CFAP20DC: variants seen among roughly 807,000 people sequenced by gnomAD.
CFAP20DC encodes CFAP20 domain containing, also known as protein CFAP20DC.
In CFAP20DC, 84 loss-of-function variants were observed where a neutral mutation model predicts 101.7. The observed-to-expected ratio is 0.83, with a 90% confidence interval of 0.69 to 0.99. CFAP20DC has a LOEUF of 0.99. CFAP20DC is among the 50% of genes least tolerant of loss of function. CFAP20DC has a pLI of 0.00. For synonymous variants in CFAP20DC, 359 were observed against 351.2 expected (o/e 1.02, Z -0.25); for missense variants, 1,007 against 970.3 (o/e 1.04, Z -0.50).
intron 4 of CFAP20DC, among the ~76,000 whole-genome samples, chr3:58,959,697 T>A (rs1460419422): frequency 1.3e-5 from 2 of 152,230 alleles, no homozygotes; most frequent in African/African-American, 4.8e-5. Flanking sequence ...TCACTAATTG[T>A]AATTTTGCCA....
chr3:58,950,907 A>T lies in CFAP20DC; in HGVS notation c.279-13145T>A, dbSNP rs530639053. 8.5e-5 allele frequency among the ~76,000 whole-genome samples: 13 copies of T among 152,368 alleles called. No individual in the cohort carries two copies. In the South Asian group the frequency reaches 2.7e-3, roughly 32 times the overall value. ...AATGGCAACAAAAGCCAAAATTGACAAATGGGATCTAATTAAACTAAAAGC... is the reference window on the plus strand; with the variant it reads ...AATGGCAACAAAAGCCAAAATTGACTAATGGGATCTAATTAAACTAAAAGC... On this transcript the variant is annotated intron_variant, in intron 4 of 16. Coordinates refer to ENST00000482387, the MANE Select transcript of CFAP20DC (RefSeq NM_001394063.1).
intron 4 of CFAP20DC, among the ~76,000 whole-genome samples, chr3:58,990,382 G>T (rs535499499): frequency 1.3e-5 from 2 of 152,040 alleles, no homozygotes; most frequent in South Asian, 2.1e-4. Flanking sequence ...AAAAATGCCC[G>T]GTTTTTGTCT....
At chr3:58,952,692 A>C (rs1405013760) in intron 4 of CFAP20DC, among the ~76,000 whole-genome samples, 1 of 152,248 alleles carries the variant, frequency 6.6e-6, no homozygotes, top group East Asian at 1.9e-4. Context: ...TGATTTAAAA[A>C]AAAAAGTGTG....
chr3:58,935,437 T>C (rs1194143794), intron 5 of CFAP20DC, among the ~76,000 whole-genome samples: 3 of 151,912 alleles, frequency 2.0e-5, no homozygotes, highest in Non-Finnish European at 4.4e-5. Flanking sequence ...AAAGTTCATA[T>C]GGAACCAAAA....
At chr3:58,991,305 A>G (rs1205890518) in intron 4 of CFAP20DC, among the ~76,000 whole-genome samples, 1 of 152,212 alleles carries the variant, frequency 6.6e-6, no homozygotes. Context: ...ACAGAGGCTC[A>G]GTAACAAACT....
At chr3:58,797,918 A>T (rs1399857045) in intron 15 of CFAP20DC, among the ~76,000 whole-genome samples, 6 of 152,210 alleles carry the variant, frequency 3.9e-5, no homozygotes, top group Non-Finnish European at 8.8e-5. Flanking sequence ...ATCTGCTTAT[A>T]GCACAGTATA....
At chr3:58,960,258 CGA>C (rs1027174722) in intron 4 of CFAP20DC, among the ~76,000 whole-genome samples, 7 of 150,764 alleles carry the variant, frequency 4.6e-5, no homozygotes, top group African/African-American at 1.7e-4. Flanking sequence ...TTTGGGAGGC[CGA>C]GGTGGGTGGA....
At chr3:58,834,361 A>G (rs564756883) in intron 13 of CFAP20DC, among the ~76,000 whole-genome samples, 11 of 152,308 alleles carry the variant, frequency 7.2e-5, no homozygotes, top group African/African-American at 2.4e-4. Flanking sequence ...TAGGTATGTT[A>G]GTTGGCTCAT....
In CFAP20DC at chr3:58,817,809, A is replaced by C. The variant is rs556973173; in HGVS notation, c.2176-11353T>G. On this transcript the variant is annotated intron_variant, in intron 14 of 16. Coordinates refer to ENST00000482387, the MANE Select transcript of CFAP20DC (RefSeq NM_001394063.1). ...AGAGAATGCCACAAAGATACTCCTC[A>C]AGAAGAGCAACTTCAAGACACATAA... Among the ~76,000 whole-genome samples, 19 of 141,102 alleles carry C rather than the reference A, an allele frequency of 1.3e-4. 1 individual carries two copies. Among genetic ancestry groups the C allele is most frequent in the African/African-American group, 2.4e-4 (9 of 38,208 alleles). 92.6% of individuals were successfully genotyped at this position (141,102 alleles called of 152,430 possible).
At position 58,849,092 on chromosome 3, in the gene CFAP20DC, T is replaced by C. The variant is rs1426988551; in HGVS notation, c.1911A>G (p.Leu637=). 8 of 1,535,954 alleles carry C rather than the reference T, an allele frequency of 5.2e-6. No homozygotes were observed. The highest frequency in any genetic ancestry group is 2.4e-5 in the South Asian group (2 of 84,042). Residue 637 remains leucine (L), a synonymous_variant, in exon 13 of 17, where the codon CTA becomes CTG. Transcript: ENST00000482387. The stretch of plus-strand genomic sequence containing the variant: ...AGATTTCTTTCAGGGAGGTTTTGTT[T>C]AGTGAAGCTGGCACTTGCTGGGCTG... ...DLSAQQVPAS[L]NKTSLKEISG... is the part of the protein sequence containing the mutation.
At chr3:58,742,648 G>GA (rs1382602686) in intron 16 of CFAP20DC, 76 bp from the exon 17 acceptor site, 1 of 1,026,212 alleles carries the variant, frequency 9.7e-7, no homozygotes, top group Admixed American at 2.1e-5. Context: ...AACGAAGCAG[G>GA]AATCACCATC....
intron 15 of CFAP20DC, among the ~76,000 whole-genome samples, chr3:58,782,862 C>G (rs2071968658): frequency 6.6e-6 from 1 of 151,928 alleles, no homozygotes; most frequent in South Asian, 2.1e-4. Context: ...AGATTCAATG[C>G]AATCTCTATC....
intron 12 of CFAP20DC, among the ~76,000 whole-genome samples, chr3:58,858,482 A>T (rs184451772): frequency 1.3e-5 from 2 of 152,336 alleles, no homozygotes; most frequent in African/African-American, 4.8e-5. Flanking sequence ...TTAAACAGAT[A>T]ATTTTAATGA....
At chr3:58,994,835 TA>T (rs200143095) in intron 4 of CFAP20DC, among the ~76,000 whole-genome samples, 13 of 144,254 alleles carry the variant, frequency 9.0e-5, no homozygotes, top group African/African-American at 1.5e-4. Context: ...CCAAAAGACT[TA>T]AAAAAAAAAA....
At chr3:58,846,590 C>G (rs2108266976) in intron 13 of CFAP20DC, among the ~76,000 whole-genome samples, 1 of 150,488 alleles carries the variant, frequency 6.6e-6, no homozygotes, top group African/African-American at 2.4e-5. Context: ...CCATACTGCC[C>G]AAGGTAATTT....
intron 4 of CFAP20DC, among the ~76,000 whole-genome samples, chr3:59,008,187 G>C (rs2093484657): frequency 6.6e-6 from 1 of 152,136 alleles, no homozygotes; most frequent in South Asian, 2.1e-4. Context: ...TCCCTACTTG[G>C]AACATCAACA....
At chr3:58,973,109 G>A (rs1022042862) in intron 4 of CFAP20DC, among the ~76,000 whole-genome samples, 20 of 151,992 alleles carry the variant, frequency 1.3e-4, no homozygotes, top group Non-Finnish European at 2.4e-4. Flanking sequence ...TTTTCCATGG[G>A]GATTATGTCC....
At chr3:58,937,899 C>T in intron 4 of CFAP20DC, 137 bp from the exon 5 acceptor site, 1 of 632,862 alleles carries the variant, frequency 1.6e-6, no homozygotes, top group Non-Finnish European at 2.7e-6. Flanking sequence ...TTAAGAATTG[C>T]CTTTTTCTTT....
intron 4 of CFAP20DC, among the ~76,000 whole-genome samples, chr3:58,974,477 A>G (rs1364829759): frequency 1.3e-5 from 2 of 152,056 alleles, no homozygotes; most frequent in Non-Finnish European, 2.9e-5. Context: ...CATGGTATAT[A>G]TGTTATATGT....
Sources: allele counts gnomAD v4.1 joint callset (sites outside exome capture counted in the v4.1 genomes callset), GRCh38; gene constraint gnomAD v4.1.1; transcripts MANE v1.5; gene names NCBI Gene and HGNC (gene_info 2026-07-23, HGNC 2026-07-21).